The following PPP1CB variants were observed in gnomAD, a reference collection of about 807,000 sequenced individuals.
PPP1CB encodes serine/threonine-protein phosphatase PP1-beta catalytic subunit.
A neutral mutation model predicts 43.7 loss-of-function variants in PPP1CB; 2 were observed. The ratio of observed to expected loss-of-function variants is 0.05; its 90% CI spans 0.02 to 0.14. The LOEUF (loss-of-function observed/expected upper bound fraction) is 0.14, where lower values mean the gene tolerates loss of function less well. Ranked by LOEUF, PPP1CB falls within the 10% of genes least tolerant of loss-of-function variation. The probability of loss-of-function intolerance (pLI) is 1.00; values close to 1 mark genes in which losing one functional copy is unlikely to be tolerated. For synonymous variants in PPP1CB, 136 were observed against 135.6 expected, an observed-to-expected ratio of 1.00 and a Z score of -0.02; for missense variants, 84 against 398.0, an observed-to-expected ratio of 0.21 and a Z score of 6.71.
At chr2:28,785,483 T>G (rs528490882) in intron 5 of PPP1CB, among the ~76,000 whole-genome samples, 2 of 152,216 alleles carry the variant, frequency 1.3e-5, no homozygotes, top group South Asian at 4.1e-4. Flanking sequence ...TGACTAAACC[T>G]AACAAACTGG....
rs143544625 is a variant in PPP1CB at position 28,792,647 on chromosome 2, A to G, written c.745-1216A>G. Among the ~76,000 whole-genome samples the G allele has an allele frequency of 6.6e-3, 1,006 of 152,330 alleles. 13 individuals carry two copies. The highest frequency in any genetic ancestry group is 0.023 in the African/African-American group (956 of 41,566). The stretch of plus-strand genomic sequence containing the variant: ...AGAAAAGGTTCATCTAAATTGTACC[A>G]TAAGGTAATTTCAGCAGAAGCATGT... On this transcript the variant is annotated intron_variant, in intron 6 of 7. Transcript: ENST00000395366.
At chr2:28,793,836 T>G (rs1204493379) in intron 6 of PPP1CB, 27 bp from the exon 7 acceptor site, 2 of 1,612,870 alleles carry the variant, frequency 1.2e-6, no homozygotes, top group Non-Finnish European at 1.7e-6. Context: ...CAATAAATGT[T>G]TTTTCTTCTG....
At chr2:28,790,329 T>C (rs535769798) in intron 6 of PPP1CB, among the ~76,000 whole-genome samples, 9 of 152,184 alleles carry the variant, frequency 5.9e-5, no homozygotes, top group African/African-American at 1.9e-4. Context: ...GTATGAATTA[T>C]TTAATCTTTT....
At chr2:28,773,809 GTT>G (rs940243937) in intron 1 of PPP1CB, among the ~76,000 whole-genome samples, 1 of 152,178 alleles carries the variant, frequency 6.6e-6, no homozygotes, top group Non-Finnish European at 1.5e-5. Flanking sequence ...TCTTGTCAGA[GTT>G]TTAAACATTG....
At chr2:28,791,118 G>A (rs1472655592) in intron 6 of PPP1CB, among the ~76,000 whole-genome samples, 1 of 152,130 alleles carries the variant, frequency 6.6e-6, no homozygotes, top group Non-Finnish European at 1.5e-5. Flanking sequence ...CTGTCCCACA[G>A]TACTTCCCTT....
intron 1 of PPP1CB, among the ~76,000 whole-genome samples, chr2:28,767,035 C>A (rs1210117940): frequency 6.7e-6 from 1 of 149,950 alleles, no homozygotes; most frequent in African/African-American, 2.5e-5. Flanking sequence ...GAGCCGAGAT[C>A]ACACCACTGC....
chr2:28,751,681 G>T, upstream of PPP1CB: 1 of 201,316 alleles, frequency 5.0e-6, no homozygotes, highest in Middle Eastern at 2.3e-3. Flanking sequence ...GCTCCAGTGC[G>T]GTTGCGCGGC....
chr2:28,787,591 G>A (rs1037492531), intron 5 of PPP1CB, among the ~76,000 whole-genome samples: 1 of 152,150 alleles, frequency 6.6e-6, no homozygotes, highest in Non-Finnish European at 1.5e-5. Context: ...CAATCACCAA[G>A]AAACTTGCAT....
chr2:28,754,207 C>T (rs1484637395), intron 1 of PPP1CB, among the ~76,000 whole-genome samples: 1 of 151,904 alleles, frequency 6.6e-6, no homozygotes, highest in Non-Finnish European at 1.5e-5. Flanking sequence ...TATATGATTA[C>T]AGGTACTTAA....
intron 6 of PPP1CB, among the ~76,000 whole-genome samples, chr2:28,792,847 A>G (rs952991089): frequency 7.2e-5 from 11 of 152,204 alleles, no homozygotes; most frequent in Non-Finnish European, 1.5e-4. Flanking sequence ...TGTGTTCCTC[A>G]AATTTGTAGA....
chr2:28,780,151 C>T (rs893009406), intron 3 of PPP1CB, among the ~76,000 whole-genome samples: 4 of 144,342 alleles, frequency 2.8e-5, no homozygotes, highest in South Asian at 2.2e-4. Flanking sequence ...TGCAATGGCA[C>T]GATCTCAGCT....
intron 5 of PPP1CB, among the ~76,000 whole-genome samples, chr2:28,788,162 A>G (rs1667310945): frequency 6.6e-6 from 1 of 152,220 alleles, no homozygotes; most frequent in African/African-American, 2.4e-5. Flanking sequence ...CAATCCTGAA[A>G]AAAAAATGGA....
intron 6 of PPP1CB, among the ~76,000 whole-genome samples, chr2:28,793,072 G>T (rs1365899058): frequency 6.6e-6 from 1 of 152,166 alleles, no homozygotes; most frequent in Admixed American, 6.5e-5. Context: ...CGGGCTTGCT[G>T]GTGGGTGCGT....
At chr2:28,793,736 C>A in intron 6 of PPP1CB, 127 bp from the exon 7 acceptor site, 1 of 987,220 alleles carries the variant, frequency 1.0e-6, no homozygotes, top group Non-Finnish European at 1.4e-6. Context: ...TCACAACTTC[C>A]AAAACAAAAC....
At chr2:28,772,027 T>A (rs1666924862) in intron 1 of PPP1CB, among the ~76,000 whole-genome samples, 1 of 150,790 alleles carries the variant, frequency 6.6e-6, no homozygotes, top group African/African-American at 2.4e-5. Flanking sequence ...ATGAAAAAGA[T>A]ACTCAATGGC....
intron 1 of PPP1CB, among the ~76,000 whole-genome samples, chr2:28,758,089 G>A (rs546856976): frequency 2.7e-5 from 4 of 147,716 alleles, no homozygotes; most frequent in South Asian, 2.1e-4. Flanking sequence ...TCTGTCACCC[G>A]GTTGGAGTGC....
At position 28,777,000 on chromosome 2, in the gene PPP1CB, G is replaced by C; in HGVS notation, c.184+18G>C. On this transcript the variant is annotated intron_variant, in intron 2 of 7. Transcript: ENST00000395366. ...AATTTGTGGTATGTAAATGGGTAAA[G>C]TTGGAAACAACTCTTTTGAATCATG... 1 of 1,608,472 alleles carries C rather than the reference G, an allele frequency of 6.2e-7. No homozygotes were observed. Among genetic ancestry groups the C allele is most frequent in the Non-Finnish European group, 8.5e-7 (1 of 1,176,096 alleles).
In PPP1CB at chr2:28,801,567, G is replaced by A. The variant is rs1260128759; in HGVS notation, c.*2264G>A. 2.6e-5 allele frequency: 4 copies of A among 151,844 alleles called. No individual in the cohort carries two copies. Among genetic ancestry groups the A allele is most frequent in the African/African-American group, 4.8e-5 (2 of 41,336 alleles). 9.4% of individuals were successfully genotyped at this position (151,844 alleles called of 1,614,324 possible). A position where few individuals can be genotyped will look rare whatever the true frequency, so the allele number is the denominator to read the frequency against. On this transcript the variant is annotated 3_prime_UTR_variant, in exon 8 of 8. Transcript: ENST00000395366. ...AAGCACTCTTAAAACCACTTAAACA[G>A]CCTCCAGTCATAAAAATGTGTTCTT...
intron 1 of PPP1CB, among the ~76,000 whole-genome samples, chr2:28,754,974 A>G (rs1666449291): frequency 6.6e-6 from 1 of 152,078 alleles, no homozygotes; most frequent in Non-Finnish European, 1.5e-5. Context: ...AGCTATACAC[A>G]CTTCTGGTGA....
Sources: gnomAD v4.1 joint callset for allele counts (sites outside exome capture counted in the v4.1 genomes callset) on GRCh38, gnomAD v4.1.1 for gene constraint, MANE v1.5 for transcripts, NCBI Gene and HGNC (gene_info 2026-07-23, HGNC 2026-07-21) for gene names.